GLT1D1: variants seen among roughly 807,000 people sequenced by gnomAD.
The protein encoded by GLT1D1 is glycosyltransferase 1 domain-containing protein 1.
Under a neutral mutation model 28.7 loss-of-function variants are expected in GLT1D1, and 21 were observed. The observed-to-expected ratio is 0.73, with a 90% CI of 0.52 to 1.05. The LOEUF is 1.05. Ranked by LOEUF, GLT1D1 falls within the 50% of genes least tolerant of loss-of-function variation. The pLI, the probability that GLT1D1 is intolerant of heterozygous loss-of-function variation, is 0.00. For missense variants in GLT1D1, 343 were observed against 330.6 expected (o/e 1.04, Z -0.29); for synonymous variants, 147 against 124.8 (o/e 1.18, Z -1.19).
At chr12:128,965,586 C>T (rs1482961595) in intron 7 of GLT1D1, among the ~76,000 whole-genome samples, 1 of 151,906 alleles carries the variant, frequency 6.6e-6, no homozygotes, top group African/African-American at 2.4e-5. Context: ...AAACTAGTCC[C>T]AGAGGCTGGG....
chr12:128,855,080 G>A (rs1956180935), intron 1 of GLT1D1, among the ~76,000 whole-genome samples: 2 of 152,012 alleles, frequency 1.3e-5, no homozygotes, highest in Non-Finnish European at 2.9e-5. Context: ...ATTTCACATA[G>A]GGATTAGTGC....
intron 4 of GLT1D1, among the ~76,000 whole-genome samples, chr12:128,934,489 C>T (rs182112971): frequency 1.3e-5 from 2 of 152,274 alleles, no homozygotes; most frequent in Non-Finnish European, 2.9e-5. Flanking sequence ...CCACTGCGCC[C>T]GGCCAGCTCA....
intron 4 of GLT1D1, among the ~76,000 whole-genome samples, chr12:128,919,145 G>C (rs1872399420): frequency 6.6e-6 from 1 of 152,180 alleles, no homozygotes; most frequent in South Asian, 2.1e-4. Context: ...CGTCTCTCAG[G>C]CTCTGGGGAT....
chr12:128,933,260 C>T (rs79589019), intron 4 of GLT1D1, among the ~76,000 whole-genome samples: 1 of 152,258 alleles, frequency 6.6e-6, no homozygotes, highest in Non-Finnish European at 1.5e-5. Context: ...GGTGCGGAAG[C>T]GATGCGGGTA....
chr12:128,903,765 C>CT (rs1870554484), intron 4 of GLT1D1, among the ~76,000 whole-genome samples: 1 of 151,644 alleles, frequency 6.6e-6, no homozygotes, highest in South Asian at 2.1e-4. Context: ...GAATCTTGCT[C>CT]TGTCACCCAA....
At chr12:128,980,697 G>T (rs1880231956) in intron 7 of GLT1D1, among the ~76,000 whole-genome samples, 1 of 152,216 alleles carries the variant, frequency 6.6e-6, no homozygotes, top group South Asian at 2.1e-4. Context: ...TTTACCTGGT[G>T]GTCTCCAGGG....
chr12:128,858,647 G>T (rs997357661), intron 1 of GLT1D1, among the ~76,000 whole-genome samples: 2 of 151,330 alleles, frequency 1.3e-5, no homozygotes, highest in African/African-American at 4.9e-5. Flanking sequence ...CTCCAGCCTG[G>T]GCAACAGAGG....
At chr12:128,978,820 C>A (rs1404528467) in intron 7 of GLT1D1, among the ~76,000 whole-genome samples, 1 of 152,140 alleles carries the variant, frequency 6.6e-6, no homozygotes, top group Non-Finnish European at 1.5e-5. Context: ...GTGGATTATT[C>A]ATGTCTCCCC....
At chr12:128,878,623 T>C (rs971892249) in intron 2 of GLT1D1, among the ~76,000 whole-genome samples, 1 of 152,178 alleles carries the variant, frequency 6.6e-6, no homozygotes, top group African/African-American at 2.4e-5. Context: ...TTTCTTTTTT[T>C]TTGACACAGG....
chr12:128,920,907 TAA>T (rs1391007461), intron 4 of GLT1D1, among the ~76,000 whole-genome samples: 1 of 152,174 alleles, frequency 6.6e-6, no homozygotes, highest in South Asian at 2.1e-4. Flanking sequence ...CAACATTTAT[TAA>T]AAAAATTAGT....
chr12:128,908,868 G>C (rs1026045313), intron 4 of GLT1D1, among the ~76,000 whole-genome samples: 1 of 152,136 alleles, frequency 6.6e-6, no homozygotes, highest in Non-Finnish European at 1.5e-5. Context: ...AGAATGGCGT[G>C]AACCCGGGAG....
intron 4 of GLT1D1, chr12:128,944,945 C>G (rs1191650969): frequency 3.7e-6 from 2 of 541,396 alleles, no homozygotes; most frequent in Non-Finnish European, 3.3e-6. Context: ...TATCCCTCCT[C>G]CAGCCCCCGA....
chr12:128,938,046 CT>C (rs1467157710), intron 4 of GLT1D1, among the ~76,000 whole-genome samples: 1 of 152,142 alleles, frequency 6.6e-6, no homozygotes, highest in Non-Finnish European at 1.5e-5. Flanking sequence ...TGAGGAAATA[CT>C]TTGGACAGAA....
intron 6 of GLT1D1, among the ~76,000 whole-genome samples, chr12:128,952,060 A>G (rs1876745975): frequency 6.6e-6 from 1 of 152,122 alleles, no homozygotes; most frequent in Non-Finnish European, 1.5e-5. Context: ...AGAAATGTGT[A>G]GAGTGCCAGG....
intron 4 of GLT1D1, among the ~76,000 whole-genome samples, chr12:128,910,551 G>C (rs181918637): frequency 1.3e-5 from 2 of 152,096 alleles, no homozygotes; most frequent in Admixed American, 1.3e-4. Context: ...GGTTGTTTTA[G>C]GAAGAAACAC....
chr12:128,924,304 G>A (rs1872956802), intron 4 of GLT1D1, among the ~76,000 whole-genome samples: 1 of 151,816 alleles, frequency 6.6e-6, no homozygotes, highest in East Asian at 2.0e-4. Context: ...GTGTGTGCCT[G>A]TAATCCCAGC....
intron 2 of GLT1D1, among the ~76,000 whole-genome samples, chr12:128,878,481 CT>C (rs1956925949): frequency 6.6e-6 from 1 of 152,178 alleles, no homozygotes; most frequent in Admixed American, 6.5e-5. Context: ...TATATTTGTG[CT>C]TCCATATTTT....
intron 4 of GLT1D1, among the ~76,000 whole-genome samples, chr12:128,903,892 A>G (rs1360774579): frequency 2.0e-5 from 3 of 151,542 alleles, no homozygotes; most frequent in Non-Finnish European, 4.4e-5. Context: ...CATCATGCCC[A>G]GCTAATTTTT....
At chr12:128,895,878 A>G (rs7310927) in intron 3 of GLT1D1, among the ~76,000 whole-genome samples, 63,642 of 151,914 alleles carry the variant, frequency 0.42, 13,629 homozygotes, top group Admixed American at 0.56. Flanking sequence ...TCAGAGAGAG[A>G]AATTAGTGAG....
Sources: allele counts gnomAD v4.1 joint callset (sites outside exome capture counted in the v4.1 genomes callset), GRCh38; gene constraint gnomAD v4.1.1; transcripts MANE v1.5; gene names NCBI Gene and HGNC (gene_info 2026-07-23, HGNC 2026-07-21).